The following CSDC2 variants were observed in gnomAD, a reference collection of about 807,000 sequenced individuals.
CSDC2 encodes the protein cold shock domain containing C2, also known as cold shock domain-containing protein C2.
A neutral mutation model predicts 15.8 loss-of-function variants in CSDC2; 8 were observed. The ratio of observed to expected loss-of-function variants is 0.51; its 90% CI spans 0.30 to 0.92. CSDC2 has a LOEUF of 0.92. Ranked by LOEUF, CSDC2 falls within the 40% of genes least tolerant of loss-of-function variation. The pLI is 0.07. For synonymous variants in CSDC2, 96 were observed against 92.3 expected, an observed-to-expected ratio of 1.04 and a Z score of -0.23; for missense variants, 195 against 213.3, an observed-to-expected ratio of 0.91 and a Z score of 0.53.
Position 41,575,689 on chromosome 22 carries a change from C to A in CSDC2, c.*794C>A. 1 of 152,734 alleles carries A rather than the reference C, an allele frequency of 6.5e-6. No individual in the cohort carries two copies. Among genetic ancestry groups the A allele is most frequent in the African/African-American group, 2.4e-5 (1 of 41,582 alleles). 9.5% of individuals were successfully genotyped at this position (152,734 alleles called of 1,614,324 possible). On this transcript the variant is annotated 3_prime_UTR_variant, in exon 4 of 4. Transcript: ENST00000306149. ...AGCTTGGCTGCAGACCTCCTTTACCCTGACTCACAAGCCCCACTGATGCTC... is the reference window on the plus strand; with the variant it reads ...AGCTTGGCTGCAGACCTCCTTTACCATGACTCACAAGCCCCACTGATGCTC...
At chr22:41,564,699 G>A (rs78716630) in intron 1 of CSDC2, among the ~76,000 whole-genome samples, 1 of 152,162 alleles carries the variant, frequency 6.6e-6, no homozygotes, top group Non-Finnish European at 1.5e-5. Flanking sequence ...TGAAAACCTC[G>A]GAGGAGAATT....
At chr22:41,565,902 G>A (rs1002325995) in intron 1 of CSDC2, among the ~76,000 whole-genome samples, 1 of 152,232 alleles carries the variant, frequency 6.6e-6, no homozygotes, top group African/African-American at 2.4e-5. Context: ...GGGACAGGGG[G>A]ATGCACACTC....
intron 2 of CSDC2, among the ~76,000 whole-genome samples, chr22:41,572,410 A>C (rs2067151719): frequency 8.5e-6 from 1 of 118,322 alleles, no homozygotes; most frequent in African/African-American, 3.2e-5. Context: ...CCATCCATCC[A>C]TCCATCCATC....
chr22:41,573,390 G>A (rs926867381), intron 2 of CSDC2, among the ~76,000 whole-genome samples: 1 of 151,826 alleles, frequency 6.6e-6, no homozygotes, highest in African/African-American at 2.4e-5. Context: ...AGAGATGGGA[G>A]TCTCCCTATG....
At chr22:41,571,358 CA>C (rs922097173) in intron 1 of CSDC2, among the ~76,000 whole-genome samples, 26 of 146,690 alleles carry the variant, frequency 1.8e-4, no homozygotes, top group South Asian at 4.3e-4. Flanking sequence ...CTGTCTAAAA[CA>C]AAAAAAAAAA....
chr22:41,573,504 T>C (rs2067158478), intron 2 of CSDC2, 151 bp from the exon 3 acceptor site: 1 of 879,712 alleles, frequency 1.1e-6, no homozygotes, highest in Non-Finnish European at 1.7e-6. Flanking sequence ...GGCCTCATTA[T>C]CGTTGAATGG....
chr22:41,575,971 C>T lies in CSDC2; in HGVS notation c.*1076C>T, dbSNP rs184465020. On this transcript the variant is annotated 3_prime_UTR_variant, in exon 4 of 4. Transcript: ENST00000306149. ...GTGCACCCGGGGTCGTGGCCATTCA[C>T]TCCCAGGCAGGGGTGAGGGTGGCCT... is the stretch of plus-strand genomic sequence containing the variant. 1 of 152,384 alleles carries T rather than the reference C, an allele frequency of 6.6e-6. No individual in the cohort carries two copies. The allele number at this position is 152,384 out of a possible 1,614,324, so 9.4% of individuals were successfully genotyped here. A position where few individuals can be genotyped will look rare whatever the true frequency, so the allele number is the denominator to read the frequency against.
chr22:41,567,663 T>C (rs1355035749), intron 1 of CSDC2, among the ~76,000 whole-genome samples: 1 of 152,212 alleles, frequency 6.6e-6, no homozygotes, highest in Non-Finnish European at 1.5e-5. Flanking sequence ...AGTAGGTCAA[T>C]AGCAATACAG....
chr22:41,572,832 G>A (rs1000999292), intron 2 of CSDC2, among the ~76,000 whole-genome samples: 3 of 152,198 alleles, frequency 2.0e-5, no homozygotes, highest in Non-Finnish European at 2.9e-5. Context: ...GTAGGTCACC[G>A]ATGAGGTGGC....
At position 41,573,679 on chromosome 22, in the gene CSDC2, C is replaced by G. The variant is rs200062379; in HGVS notation, c.201C>G (p.Pro67=). ...GGACAGCCCGGGCCTCAGCTGGCCC[C>G]GTGTTCAAGGGCGTCTGTAAGCAGT... ...YSATARASAG[P]VFKGVCKQFS... The change falls in exon 3 of 4, where the codon CCC becomes CCG. Residue 67 remains proline, a synonymous_variant. Coordinates refer to ENST00000306149, the MANE Select transcript of CSDC2 (RefSeq NM_014460.4). The G allele has an allele frequency of 2.5e-6, 4 of 1,613,486 alleles. No individual in the cohort carries two copies. Among genetic ancestry groups the G allele is most frequent in the East Asian group, 2.2e-5 (1 of 44,850 alleles).
Position 41,571,740 on chromosome 22 carries a change from G to A in CSDC2, c.-123-103G>A, listed in dbSNP as rs185723662. The A allele has an allele frequency of 2.5e-4, 93 of 369,752 alleles. No individual in the cohort carries two copies. In the East Asian group the frequency reaches 2.7e-3, roughly 11 times the overall value. 22.9% of individuals were successfully genotyped at this position (369,752 alleles called of 1,614,324 possible). A position where few individuals can be genotyped will look rare whatever the true frequency, so the allele number is the denominator to read the frequency against. On this transcript the variant is annotated intron_variant, in intron 1 of 3. Transcript: ENST00000306149. ...GGGGTCGTTTGTGACTTGAAGTAAC[G>A]CCGTGAGGATAGCAGGTGGGACCAG...
chr22:41,562,181 C>T (rs2067089694), intron 1 of CSDC2, among the ~76,000 whole-genome samples: 1 of 152,090 alleles, frequency 6.6e-6, no homozygotes, highest in Non-Finnish European at 1.5e-5. Flanking sequence ...TGCTGCCTGG[C>T]TGTGATCCGG....
rs1412114331 is a variant in CSDC2 at position 41,571,823 on chromosome 22, C to A, written c.-123-20C>A. ...CTCCCCTGGACTAGGCTCACCTGTG[C>A]CTCTTTCTTCCTCTTCCAGACGGAG... is the stretch of plus-strand genomic sequence containing the variant. On this transcript the variant is annotated intron_variant, in intron 1 of 3. Transcript: ENST00000306149. 2 of 470,272 alleles carry A rather than the reference C, an allele frequency of 4.3e-6. No individual in the cohort carries two copies. The highest frequency in any genetic ancestry group is 3.6e-6 in the Non-Finnish European group (1 of 281,090). The allele number at this position is 470,272 out of a possible 1,614,324, so 29.1% of individuals were successfully genotyped here.
intron 1 of CSDC2, among the ~76,000 whole-genome samples, chr22:41,568,643 G>A (rs1167701371): frequency 2.0e-5 from 3 of 152,322 alleles, no homozygotes; most frequent in South Asian, 2.1e-4. Context: ...TGCAATGGGC[G>A]ACAGGGGAGA....
rs556040479 is a variant in CSDC2 at position 41,575,085 on chromosome 22, T to C, written c.*190T>C. The C allele has an allele frequency of 4.2e-6, 3 of 714,108 alleles. No homozygotes were observed. The highest frequency in any genetic ancestry group is 3.6e-5 in the African/African-American group (2 of 55,946). The allele number at this position is 714,108 out of a possible 1,614,324, so 44.2% of individuals were successfully genotyped here. On this transcript the variant is annotated 3_prime_UTR_variant, in exon 4 of 4. Transcript: ENST00000306149. ...CACCCACCCCACGACCCGTGACTAC[T>C]GTGCAAGCTGGCCAGGAGGTAGGTG...
Position 41,575,016 on chromosome 22 carries a change from CGTCT to C in CSDC2, c.*129_*132del, listed in dbSNP as rs1341549125. On this transcript the variant is annotated 3_prime_UTR_variant, in exon 4 of 4. Transcript: ENST00000306149. ...AGTCCTTCGGTGGCCTCAGTGTGCA[CGTCT>C]GTCTGTCCGTCTGTGCTTGTGGCTA... 3.5e-6 allele frequency: 4 copies of C among 1,158,656 alleles called. No individual in the cohort carries two copies. Among genetic ancestry groups the C allele is most frequent in the Non-Finnish European group, 4.8e-6 (4 of 829,386 alleles). The allele number at this position is 1,158,656 out of a possible 1,614,324, so 71.8% of individuals were successfully genotyped here.
intron 2 of CSDC2, among the ~76,000 whole-genome samples, 174 bp downstream of exon 2, chr22:41,572,315 CCCATCCATCCATCCATCCAT>C (rs768020765): frequency 8.3e-6 from 1 of 120,220 alleles, no homozygotes; most frequent in African/African-American, 3.5e-5. Context: ...CACCCATCCA[CCCATCCATCCATCCATCCAT>C]CCATCCATCC....
chr22:41,562,017 C>G (rs1225050813), intron 1 of CSDC2, among the ~76,000 whole-genome samples: 3 of 152,212 alleles, frequency 2.0e-5, no homozygotes, highest in Non-Finnish European at 4.4e-5. Context: ...AAGCTGCCAG[C>G]CTGCAGGCTC....
Position 41,573,818 on chromosome 22 carries a change from G to C in CSDC2, c.299+41G>C, listed in dbSNP as rs762809039. ...CTCCCTGTTCTTGGCCCCTGCCCTA[G>C]TGTCCCCAATGGTGCCTCAAAAATG... On this transcript the variant is annotated intron_variant, in intron 3 of 3. Transcript: ENST00000306149. 7 of 1,593,896 alleles carry C rather than the reference G, an allele frequency of 4.4e-6. No individual in the cohort carries two copies. The South Asian group carries it at 7.8e-5, about 18-fold the overall frequency.
Sources: gnomAD v4.1 joint callset for allele counts (sites outside exome capture counted in the v4.1 genomes callset) on GRCh38, gnomAD v4.1.1 for gene constraint, MANE v1.5 for transcripts, NCBI Gene and HGNC (gene_info 2026-07-23, HGNC 2026-07-21) for gene names.